TMEM74: variants seen among roughly 807,000 people sequenced by gnomAD.
TMEM74 encodes transmembrane protein 74.
In TMEM74, 13 loss-of-function variants were observed where a neutral mutation model predicts 18.1. The observed-to-expected ratio is 0.72, with a 90% confidence interval of 0.47 to 1.14. The LOEUF (loss-of-function observed/expected upper bound fraction) is 1.14, where lower values mean the gene tolerates loss of function less well. TMEM74 is among the 50% of genes most tolerant of loss of function. The pLI is 0.00. For synonymous variants in TMEM74, 159 were observed against 146.6 expected (o/e 1.08, Z -0.61); for missense variants, 372 against 375.9 (o/e 0.99, Z 0.09).
intron 1 of TMEM74, among the ~76,000 whole-genome samples, chr8:108,735,250 CA>C: frequency 6.6e-6 from 1 of 152,258 alleles, no homozygotes; most frequent in Non-Finnish European, 1.5e-5. Context: ...TTGTATAATT[CA>C]ATGGATTTTA....
intron 1 of TMEM74, among the ~76,000 whole-genome samples, chr8:108,703,339 C>A (rs572351605): frequency 6.6e-6 from 1 of 152,178 alleles, no homozygotes; most frequent in Non-Finnish European, 1.5e-5. Flanking sequence ...TGAAGATCAA[C>A]CCCAGCCCTA....
At chr8:108,684,389 T>C (rs1213060597) in intron 1 of TMEM74, among the ~76,000 whole-genome samples, 1 of 152,054 alleles carries the variant, frequency 6.6e-6, no homozygotes, top group Non-Finnish European at 1.5e-5. Flanking sequence ...TTTGAACCCA[T>C]TTATATGTCT....
chr8:108,623,947 A>G (rs999203288), intron 2 of TMEM74, among the ~76,000 whole-genome samples: 1 of 152,094 alleles, frequency 6.6e-6, no homozygotes, highest in Non-Finnish European at 1.5e-5. Context: ...ACTTTGAGAA[A>G]CTGTGTCTAA....
At chr8:108,754,563 A>G (rs985039493) in intron 1 of TMEM74, among the ~76,000 whole-genome samples, 4 of 151,322 alleles carry the variant, frequency 2.6e-5, no homozygotes, top group African/African-American at 9.7e-5. Context: ...TATTCTAAAG[A>G]CTCTTCTTGC....
At chr8:108,660,236 A>G (rs778086112) in intron 1 of TMEM74, among the ~76,000 whole-genome samples, 3 of 152,038 alleles carry the variant, frequency 2.0e-5, no homozygotes, top group Non-Finnish European at 4.4e-5. Flanking sequence ...CCTAAATCTT[A>G]CCATTCTAGC....
At chr8:108,747,263 A>T (rs1169170642) in intron 1 of TMEM74, among the ~76,000 whole-genome samples, 1 of 152,128 alleles carries the variant, frequency 6.6e-6, no homozygotes, top group Non-Finnish European at 1.5e-5. Context: ...GAACCCACAC[A>T]TCTGGTGCCA....
At chr8:108,717,812 G>A (rs1057271145) in intron 1 of TMEM74, among the ~76,000 whole-genome samples, 1 of 152,046 alleles carries the variant, frequency 6.6e-6, no homozygotes, top group African/African-American at 2.4e-5. Context: ...CTTGAGTGGC[G>A]TAAGGGAGGA....
At chr8:108,734,996 A>G (rs573670151) in intron 1 of TMEM74, among the ~76,000 whole-genome samples, 88 of 152,134 alleles carry the variant, frequency 5.8e-4, no homozygotes, top group Non-Finnish European at 8.5e-4. Context: ...TACCCTAATG[A>G]CTCTTCCGCA....
intron 1 of TMEM74, among the ~76,000 whole-genome samples, chr8:108,757,131 C>A (rs1254143459): frequency 6.6e-6 from 1 of 152,076 alleles, no homozygotes; most frequent in Non-Finnish European, 1.5e-5. Context: ...ATATCCTGTT[C>A]TTACAGTTCC....
rs188745379 is a variant in TMEM74, at chr8:108,781,960, C to A, written c.*2221G>T. 1.5e-4 allele frequency among the ~76,000 whole-genome samples: 23 copies of A among 152,332 alleles called. No individual in the cohort carries two copies. The highest frequency in any genetic ancestry group is 1.2e-3 in the East Asian group (6 of 5,190). On this transcript the variant is annotated 3_prime_UTR_variant, in exon 2 of 2. Transcript: ENST00000297459. ...TTCCTTCATAAACTGAAAATTGATT[C>A]CACATTAATTCAGTTTAGTCTGCCA...
intron 2 of TMEM74, among the ~76,000 whole-genome samples, chr8:108,639,225 A>G (rs1812638180): frequency 6.6e-6 from 1 of 152,188 alleles, no homozygotes; most frequent in African/African-American, 2.4e-5. Context: ...GTTACTTAGC[A>G]ATAGTTACCT....
intron 2 of TMEM74, among the ~76,000 whole-genome samples, chr8:108,644,872 G>GA (rs1162030710): frequency 2.0e-5 from 3 of 152,204 alleles, no homozygotes; most frequent in Non-Finnish European, 2.9e-5. Flanking sequence ...TGAGGCTGCA[G>GA]AAAAAAGGGC....
intron 1 of TMEM74, among the ~76,000 whole-genome samples, chr8:108,665,211 C>G (rs934965618): frequency 6.6e-6 from 1 of 152,114 alleles, no homozygotes; most frequent in East Asian, 1.9e-4. Flanking sequence ...GAAACAGACT[C>G]ATTTACAGGA....
intron 2 of TMEM74, among the ~76,000 whole-genome samples, chr8:108,648,709 T>A (rs1303647142): frequency 6.6e-6 from 1 of 152,006 alleles, no homozygotes; most frequent in Non-Finnish European, 1.5e-5. Context: ...AGATAAAGAA[T>A]GTAAGTGGCC....
intron 2 of TMEM74, among the ~76,000 whole-genome samples, chr8:108,610,571 A>G (rs1188587227): frequency 6.6e-6 from 1 of 152,212 alleles, no homozygotes; most frequent in Non-Finnish European, 1.5e-5. Flanking sequence ...GAAAAGGCCT[A>G]GTTGAGAATG....
At chr8:108,625,813 G>A (rs1161734898) in intron 2 of TMEM74, among the ~76,000 whole-genome samples, 3 of 151,888 alleles carry the variant, frequency 2.0e-5, no homozygotes, top group Non-Finnish European at 4.4e-5. Context: ...GATGGAGTCT[G>A]ATATGCCTAA....
At chr8:108,721,535 A>G (rs971820595) in intron 1 of TMEM74, among the ~76,000 whole-genome samples, 1 of 152,216 alleles carries the variant, frequency 6.6e-6, no homozygotes, top group Non-Finnish European at 1.5e-5. Context: ...GTTGAAAGCC[A>G]TCTCCTTAGA....
intron 2 of TMEM74, among the ~76,000 whole-genome samples, chr8:108,629,422 C>A (rs1273997980): frequency 6.6e-6 from 1 of 151,964 alleles, no homozygotes; most frequent in African/African-American, 2.4e-5. Flanking sequence ...AGGATATTAT[C>A]CAGGAGAAGT....
chr8:108,669,963 G>A lies in TMEM74; in HGVS notation n.120-14526C>T, dbSNP rs575900802. On this transcript the variant is annotated intron_variant and non_coding_transcript_variant, in intron 1 of 3. Coordinates refer to the TMEM74 transcript ENST00000518838. Reference sequence around the variant, plus strand: ...TGAGGCAAGAGAATCACTTGAACTCGGGAGGCAGAGGTTACAGTGAGCCGA... The same window carrying A: ...TGAGGCAAGAGAATCACTTGAACTCAGGAGGCAGAGGTTACAGTGAGCCGA... Among the ~76,000 whole-genome samples, 159 of 150,630 alleles carry A rather than the reference G, an allele frequency of 1.1e-3. 1 individual carries two copies. Among genetic ancestry groups the A allele is most frequent in the African/African-American group, 3.8e-3 (155 of 40,934 alleles).
Sources: gnomAD v4.1 joint callset for allele counts (sites outside exome capture counted in the v4.1 genomes callset) on GRCh38, gnomAD v4.1.1 for gene constraint, MANE v1.5 for transcripts, NCBI Gene and HGNC (gene_info 2026-07-23, HGNC 2026-07-21) for gene names.